Variants in KCNH5 observed in about 807,000 individuals in gnomAD.
The protein encoded by KCNH5 is voltage-gated delayed rectifier potassium channel KCNH5.
A neutral mutation model predicts 96.1 loss-of-function variants in KCNH5; 46 were observed. That is an observed-to-expected ratio of 0.48 (90% CI 0.38 to 0.61). KCNH5 has a LOEUF of 0.61. Ranked by LOEUF, KCNH5 falls within the 20% of genes least tolerant of loss-of-function variation. The probability of loss-of-function intolerance (pLI) is 0.00; values close to 1 mark genes in which losing one functional copy is unlikely to be tolerated. For missense variants in KCNH5, 907 were observed against 1,225.8 expected (o/e 0.74, Z 3.88); for synonymous variants, 439 against 449.8 (o/e 0.98, Z 0.30).
At chr14:62,841,953 T>C (rs569260383) in intron 8 of KCNH5, among the ~76,000 whole-genome samples, 58 of 152,338 alleles carry the variant, frequency 3.8e-4, no homozygotes, top group Non-Finnish European at 6.0e-4. Context: ...AACGATTCCT[T>C]TGGTCCTTCC....
In KCNH5 at chr14:62,994,809, G is replaced by C. The variant is rs1890877625; in HGVS notation, c.433+6522C>G. 2.6e-5 allele frequency among the ~76,000 whole-genome samples: 4 copies of C among 151,956 alleles called. No individual in the cohort carries two copies. The South Asian group carries it at 8.3e-4, about 31-fold the overall frequency. ...CGTCAGAATCTTCAACAGTAAAATG[G>C]AGACAACAATACTAATTTTCAGAAT... On this transcript the variant is annotated intron_variant, in intron 4 of 10. Coordinates refer to ENST00000322893, the MANE Select transcript of KCNH5 (RefSeq NM_139318.5).
chr14:62,914,486 G>A (rs1022978140), intron 7 of KCNH5, among the ~76,000 whole-genome samples: 1 of 151,908 alleles, frequency 6.6e-6, no homozygotes, highest in Non-Finnish European at 1.5e-5. Flanking sequence ...AGTATACTGT[G>A]GTTTTATAAT....
chr14:62,935,616 T>C (rs1170706359), intron 7 of KCNH5, among the ~76,000 whole-genome samples: 1 of 152,140 alleles, frequency 6.6e-6, no homozygotes, highest in Non-Finnish European at 1.5e-5. Flanking sequence ...CTTAGCTCCT[T>C]CCCACCCCTG....
intron 7 of KCNH5, among the ~76,000 whole-genome samples, chr14:62,926,934 C>A (rs962855972): frequency 1.3e-5 from 2 of 151,962 alleles, no homozygotes; most frequent in African/African-American, 4.8e-5. Context: ...TCTGCCTGTC[C>A]CCATTTCACA....
At chr14:62,794,767 T>A (rs1886505231) in intron 9 of KCNH5, among the ~76,000 whole-genome samples, 1 of 152,130 alleles carries the variant, frequency 6.6e-6, no homozygotes, top group Non-Finnish European at 1.5e-5. Flanking sequence ...CATTTGCTAA[T>A]GGAAAATATG....
At chr14:62,921,355 G>A (rs1297586933) in intron 7 of KCNH5, among the ~76,000 whole-genome samples, 2 of 152,106 alleles carry the variant, frequency 1.3e-5, no homozygotes, top group African/African-American at 4.8e-5. Context: ...ATACAGGAAA[G>A]TATGATTTAT....
At chr14:62,709,150 G>A (rs997922102) in intron 10 of KCNH5, among the ~76,000 whole-genome samples, 5 of 146,734 alleles carry the variant, frequency 3.4e-5, no homozygotes, top group African/African-American at 7.5e-5. Context: ...GGAGAATGGC[G>A]TGAACCCGGA....
At chr14:62,862,036 ACCCAG>A (rs1460349773) in intron 7 of KCNH5, among the ~76,000 whole-genome samples, 6 of 152,272 alleles carry the variant, frequency 3.9e-5, no homozygotes, top group African/African-American at 1.4e-4. Context: ...CATTTAAATG[ACCCAG>A]GAATCTTTGC....
chr14:62,928,813 C>T (rs1412193073), intron 7 of KCNH5, among the ~76,000 whole-genome samples: 1 of 152,072 alleles, frequency 6.6e-6, no homozygotes, highest in African/African-American at 2.4e-5. Flanking sequence ...AGTCTTTTTG[C>T]TGGTTTCACC....
intron 4 of KCNH5, among the ~76,000 whole-genome samples, chr14:62,999,647 G>A (rs2139589245): frequency 7.1e-6 from 1 of 141,248 alleles, no homozygotes; most frequent in South Asian, 2.2e-4. Flanking sequence ...CTCACTCATA[G>A]ATGGGAATTG....
chr14:62,987,030 C>G (rs759389999), intron 5 of KCNH5, 42 bp downstream of exon 5: 1 of 1,312,802 alleles, frequency 7.6e-7, no homozygotes, highest in Non-Finnish European at 1.1e-6. Flanking sequence ...AAAAATGTAC[C>G]AACACCACCA....
At chr14:62,742,584 A>T (rs112369102) in intron 10 of KCNH5, among the ~76,000 whole-genome samples, 4,395 of 152,332 alleles carry the variant, frequency 0.029, 101 homozygotes, top group Non-Finnish European at 0.046. Context: ...AAAGTTCCCC[A>T]GGTGAGTCTA....
chr14:62,796,010 A>C (rs1229247885), intron 9 of KCNH5, among the ~76,000 whole-genome samples: 1 of 152,154 alleles, frequency 6.6e-6, no homozygotes, highest in Non-Finnish European at 1.5e-5. Flanking sequence ...CCTGCAATTC[A>C]GTACGGTGAG....
At chr14:62,709,820 A>G (rs1884531500) in intron 10 of KCNH5, among the ~76,000 whole-genome samples, 1 of 152,228 alleles carries the variant, frequency 6.6e-6, no homozygotes, top group Admixed American at 6.5e-5. Context: ...CAGAGTCCTG[A>G]AAAGCAAAGT....
In KCNH5 at chr14:62,923,754, C is replaced by T. The variant is rs907027420; in HGVS notation, c.1369+26379G>A. On this transcript the variant is annotated intron_variant, in intron 7 of 10. Coordinates refer to ENST00000322893, the MANE Select transcript of KCNH5 (RefSeq NM_139318.5). ...TCTTCAATAAATTGTTTTGGGAAAA[C>T]TAGTTATCTGCATACAAAAGAATAA... Among the ~76,000 whole-genome samples, 7 of 151,974 alleles carry T rather than the reference C, an allele frequency of 4.6e-5. No individual in the cohort carries two copies. In the East Asian group the frequency reaches 5.8e-4, roughly 13 times the overall value.
Position 63,045,223 on chromosome 14 carries a change from G to A in KCNH5, c.-37C>T. 1.3e-6 allele frequency: 2 copies of A among 1,497,138 alleles called. No homozygotes were observed. The highest frequency in any genetic ancestry group is 1.9e-6 in the Non-Finnish European group (2 of 1,077,132). The allele number at this position is 1,497,138 out of a possible 1,614,324, so 92.7% of individuals were successfully genotyped here. On this transcript the variant is annotated 5_prime_UTR_variant, in exon 1 of 11. Coordinates refer to ENST00000322893, the MANE Select transcript of KCNH5 (RefSeq NM_139318.5). ...AGAGCAGCGGCCAGGATCCGCGGCGGGGGAGGGGGGGATGCAGGCAAAGAA... is the reference window on the plus strand; with the variant it reads ...AGAGCAGCGGCCAGGATCCGCGGCGAGGGAGGGGGGGATGCAGGCAAAGAA...
chr14:62,808,564 T>C (rs948153157), intron 8 of KCNH5, among the ~76,000 whole-genome samples: 4 of 152,142 alleles, frequency 2.6e-5, no homozygotes, highest in East Asian at 3.8e-4. Flanking sequence ...TACATTATTA[T>C]AAAGGTGAAG....
At chr14:62,804,516 G>C (rs1886726576) in intron 8 of KCNH5, among the ~76,000 whole-genome samples, 1 of 152,058 alleles carries the variant, frequency 6.6e-6, no homozygotes, top group South Asian at 2.1e-4. Context: ...GTGGGAGGTG[G>C]GCGTGTAAAG....
intron 10 of KCNH5, among the ~76,000 whole-genome samples, chr14:62,741,193 A>C (rs1885263840): frequency 6.6e-6 from 1 of 152,174 alleles, no homozygotes; most frequent in South Asian, 2.1e-4. Flanking sequence ...GTATTCCTTA[A>C]GAACTTTGCA....
Sources: gnomAD v4.1 joint callset for allele counts (sites outside exome capture counted in the v4.1 genomes callset) on GRCh38, gnomAD v4.1.1 for gene constraint, MANE v1.5 for transcripts, NCBI Gene and HGNC (gene_info 2026-07-23, HGNC 2026-07-21) for gene names.